Variants in SMARCC1 observed in about 807,000 individuals in gnomAD.
The protein encoded by SMARCC1 is SWI/SNF related BAF chromatin remodeling complex subunit C1.
In SMARCC1, 43 loss-of-function variants were observed where a neutral mutation model predicts 147.4. The ratio of observed to expected loss-of-function variants is 0.29; its 90% CI spans 0.23 to 0.38. SMARCC1 has a LOEUF of 0.38. Among genes scored for constraint, SMARCC1 ranks in the 10% least tolerant of loss-of-function variants. SMARCC1 has a pLI of 1.00. For synonymous variants in SMARCC1, 495 were observed against 484.4 expected, an observed-to-expected ratio of 1.02 and a Z score of -0.29; for missense variants, 1,119 against 1,381.1, an observed-to-expected ratio of 0.81 and a Z score of 3.01.
At chr3:47,625,847 T>C (rs1438016573) in intron 24 of SMARCC1, among the ~76,000 whole-genome samples, 1 of 152,048 alleles carries the variant, frequency 6.6e-6, no homozygotes, top group Non-Finnish European at 1.5e-5. Context: ...TAAAAACATT[T>C]GTACCACCAA....
intron 21 of SMARCC1, among the ~76,000 whole-genome samples, chr3:47,639,125 C>G (rs2033013608): frequency 6.6e-6 from 1 of 152,044 alleles, no homozygotes; most frequent in African/African-American, 2.4e-5. Context: ...ACTAGGCTGT[C>G]TGCTTAGGAT....
rs1414545871 is a variant in SMARCC1 at position 47,661,548 on chromosome 3, A to ATTGTC, written c.2159-98_2159-94dup. 5 of 1,016,698 alleles carry ATTGTC rather than the reference A, an allele frequency of 4.9e-6. No homozygotes were observed. The East Asian group carries it at 1.2e-4, about 24-fold the overall frequency. The allele number at this position is 1,016,698 out of a possible 1,614,324, so 63.0% of individuals were successfully genotyped here. ...CCACCAGGAAACCCAACACAGTATT[A>ATTGTC]TTGTCTTAGGTGTAGCAACCTCTTC... On this transcript the variant is annotated intron_variant, in intron 20 of 27. Coordinates refer to ENST00000254480, the MANE Select transcript of SMARCC1 (RefSeq NM_003074.4).
At chr3:47,663,666 C>G in intron 19 of SMARCC1, 1 of 1,505,426 alleles carries the variant, frequency 6.6e-7, no homozygotes, top group Non-Finnish European at 9.3e-7. Context: ...CCATCGAAGC[C>G]CCCAGTCATT....
At chr3:47,697,133 C>A (rs761932961) in intron 11 of SMARCC1, among the ~76,000 whole-genome samples, 1 of 152,042 alleles carries the variant, frequency 6.6e-6, no homozygotes, top group African/African-American at 2.4e-5. Context: ...CCAGCTTGGG[C>A]GGTATGGCAA....
At chr3:47,721,779 G>A (rs1205031153) in intron 6 of SMARCC1, among the ~76,000 whole-genome samples, 2 of 152,028 alleles carry the variant, frequency 1.3e-5, no homozygotes, top group Admixed American at 1.3e-4. Flanking sequence ...TGGAGGCAGG[G>A]GCAGGAAGAT....
chr3:47,644,438 A>G (rs1039811446), intron 21 of SMARCC1, among the ~76,000 whole-genome samples: 1 of 152,148 alleles, frequency 6.6e-6, no homozygotes, highest in African/African-American at 2.4e-5. Context: ...TGAGACTGCA[A>G]TAAGCTATGA....
intron 7 of SMARCC1, among the ~76,000 whole-genome samples, chr3:47,717,066 A>G (rs1468262324): frequency 2.0e-5 from 3 of 152,214 alleles, no homozygotes; most frequent in Non-Finnish European, 4.4e-5. Flanking sequence ...AAAAGATTGT[A>G]TATACTTTTA....
chr3:47,626,718 T>C (rs1362925449), intron 24 of SMARCC1, among the ~76,000 whole-genome samples: 1 of 152,216 alleles, frequency 6.6e-6, no homozygotes, highest in Non-Finnish European at 1.5e-5. Context: ...ACAGGCTCTC[T>C]GCCTTGCCCA....
intron 24 of SMARCC1, among the ~76,000 whole-genome samples, chr3:47,626,277 G>A (rs1166576704): frequency 6.6e-6 from 1 of 151,706 alleles, no homozygotes; most frequent in Non-Finnish European, 1.5e-5. Context: ...CTCCTGAACA[G>A]CTGGGATTAC....
intron 24 of SMARCC1, among the ~76,000 whole-genome samples, chr3:47,629,733 T>TATA: frequency 6.6e-6 from 1 of 152,248 alleles, no homozygotes; most frequent in East Asian, 1.9e-4. Flanking sequence ...TCTGGCCCTC[T>TATA]ATAATAGCCC....
intron 19 of SMARCC1, among the ~76,000 whole-genome samples, chr3:47,666,588 TAA>T (rs11306091): frequency 5.3e-3 from 746 of 140,166 alleles, no homozygotes; most frequent in Middle Eastern, 0.011. Flanking sequence ...TTTTCCTAAT[TAA>T]AAAAAAAAAA....
intron 24 of SMARCC1, among the ~76,000 whole-genome samples, chr3:47,629,244 T>C (rs944026803): frequency 1.3e-5 from 2 of 152,144 alleles, no homozygotes; most frequent in African/African-American, 4.8e-5. Flanking sequence ...GTATCAGCAT[T>C]CAAGAAGTTG....
At chr3:47,759,867 G>A (rs1439098951) in intron 2 of SMARCC1, among the ~76,000 whole-genome samples, 1 of 152,026 alleles carries the variant, frequency 6.6e-6, no homozygotes, top group Non-Finnish European at 1.5e-5. Flanking sequence ...AACTCGGGAG[G>A]CTGAGGTTGC....
At chr3:47,708,112 T>G (rs1326191529) in intron 9 of SMARCC1, among the ~76,000 whole-genome samples, 1 of 103,520 alleles carries the variant, frequency 9.7e-6, no homozygotes, top group Non-Finnish European at 2.0e-5. Flanking sequence ...TTTTTTTTTT[T>G]TTTTTGAGAC....
At chr3:47,588,699 T>TCCC (rs769849851) in intron 27 of SMARCC1, among the ~76,000 whole-genome samples, 22 of 115,414 alleles carry the variant, frequency 1.9e-4, no homozygotes, top group African/African-American at 7.3e-4. Context: ...TTGTTTTTCT[T>TCCC]CCCGCCCCCC....
At chr3:47,734,672 C>T (rs1221839377) in intron 5 of SMARCC1, among the ~76,000 whole-genome samples, 1 of 152,180 alleles carries the variant, frequency 6.6e-6, no homozygotes, top group Non-Finnish European at 1.5e-5. Context: ...AGTAAATACC[C>T]AAAGTCTCAG....
chr3:47,697,060 A>G (rs1277694894), intron 11 of SMARCC1, among the ~76,000 whole-genome samples: 1 of 152,172 alleles, frequency 6.6e-6, no homozygotes, highest in South Asian at 2.1e-4. Flanking sequence ...AATAAGCCAG[A>G]CATGGTAGCT....
rs35445330 is a variant in SMARCC1, at chr3:47,636,788, ATGTGTGTGTGTGTGTG to A, written c.2377-668_2377-653del. Among the ~76,000 whole-genome samples the A allele has an allele frequency of 2.8e-3, 229 of 80,670 alleles. No homozygotes were observed. In the Middle Eastern group the frequency reaches 0.035, roughly 12 times the overall value. The allele number at this position is 80,670 out of a possible 152,430, so 52.9% of individuals were successfully genotyped here. On this transcript the variant is annotated intron_variant, in intron 22 of 27. Transcript: ENST00000254480. Reference sequence around the variant, plus strand: ...ACAACAACCACAACAAAATATATATATGTGTGTGTGTGTGTGTGTGTGTGTGTGTGTGTGTGTGTGT... The same window carrying A: ...ACAACAACCACAACAAAATATATATATGTGTGTGTGTGTGTGTGTGTGTGT...
intron 19 of SMARCC1, among the ~76,000 whole-genome samples, chr3:47,663,266 G>T (rs901835895): frequency 6.9e-6 from 1 of 144,484 alleles, no homozygotes; most frequent in Non-Finnish European, 1.5e-5. Context: ...AAGGAAGGAA[G>T]GGCTTTTTTA....
Sources: allele counts gnomAD v4.1 joint callset (sites outside exome capture counted in the v4.1 genomes callset), GRCh38; gene constraint gnomAD v4.1.1; transcripts MANE v1.5; gene names NCBI Gene and HGNC (gene_info 2026-07-23, HGNC 2026-07-21).